TMED5: variants seen among roughly 807,000 people sequenced by gnomAD.
TMED5 encodes transmembrane emp24 domain-containing protein 5.
TMED5 carries 27 observed loss-of-function variants against 23.0 expected under a neutral mutation model. The observed-to-expected ratio is 1.17, with a 90% CI of 0.86 to 1.62. The LOEUF (loss-of-function observed/expected upper bound fraction) is 1.62, where lower values mean the gene tolerates loss of function less well. Ranked by LOEUF, TMED5 falls within the 40% of genes most tolerant of loss-of-function variation. The pLI is 0.00. For synonymous variants in TMED5, 97 were observed against 100.8 expected (o/e 0.96, Z 0.23); for missense variants, 248 against 273.7 (o/e 0.91, Z 0.66).
intron 1 of TMED5, among the ~76,000 whole-genome samples, chr1:93,176,471 GATTA>G (rs369454764): frequency 1.5e-3 from 230 of 151,900 alleles, no homozygotes; most frequent in African/African-American, 3.9e-3. Flanking sequence ...GTAATAATTT[GATTA>G]ATTAATACTT....
intron 1 of TMED5, among the ~76,000 whole-genome samples, chr1:93,170,300 TG>T (rs1648672006): frequency 6.6e-6 from 1 of 152,142 alleles, no homozygotes; most frequent in African/African-American, 2.4e-5. Context: ...GGGCTGCGCG[TG>T]ATGCTTGCGG....
intron 2 of TMED5, among the ~76,000 whole-genome samples, chr1:93,159,142 A>G (rs867139818): frequency 3.9e-5 from 6 of 152,168 alleles, no homozygotes; most frequent in Non-Finnish European, 7.4e-5. Context: ...GTTAACAAAG[A>G]CCAATAATTT....
intron 1 of TMED5, among the ~76,000 whole-genome samples, chr1:93,176,531 AT>A: frequency 6.6e-6 from 1 of 151,500 alleles, no homozygotes; most frequent in African/African-American, 2.4e-5. Flanking sequence ...ACACACAAAC[AT>A]ATATATATAT....
chr1:93,166,573 T>C (rs1476385007), intron 1 of TMED5, among the ~76,000 whole-genome samples: 3 of 152,148 alleles, frequency 2.0e-5, no homozygotes, highest in African/African-American at 7.2e-5. Flanking sequence ...TTTTGAGAAA[T>C]GTCTATTCAA....
intron 1 of TMED5, among the ~76,000 whole-genome samples, chr1:93,175,201 A>ATATATAT (rs71094238): frequency 5.0e-5 from 7 of 141,348 alleles, no homozygotes; most frequent in African/African-American, 1.4e-4. Flanking sequence ...ATATATATAT[A>ATATATAT]AATGGACCTC....
chr1:93,180,277 C>A lies in TMED5; in HGVS notation c.-35G>T. The A allele has an allele frequency of 6.3e-7, 1 of 1,582,730 alleles. No individual in the cohort carries two copies. Among genetic ancestry groups the A allele is most frequent in the South Asian group, 1.1e-5 (1 of 88,698 alleles). On this transcript the variant is annotated 5_prime_UTR_variant, in exon 1 of 4. Coordinates refer to ENST00000370282, the MANE Select transcript of TMED5 (RefSeq NM_016040.5). ...GGCGATCCCGGGCTGAAAGAGGCGTCAGGTACTGTTGTCTCCGCTCCGCGT... is the reference window on the plus strand; with the variant it reads ...GGCGATCCCGGGCTGAAAGAGGCGTAAGGTACTGTTGTCTCCGCTCCGCGT...
intron 2 of TMED5, among the ~76,000 whole-genome samples, chr1:93,157,411 A>G (rs1648111578): frequency 6.6e-6 from 1 of 152,214 alleles, no homozygotes; most frequent in African/African-American, 2.4e-5. Flanking sequence ...TACCCTAGTT[A>G]AAATTAGTTT....
intron 1 of TMED5, among the ~76,000 whole-genome samples, chr1:93,169,594 GA>G (rs71094237): frequency 2.1e-5 from 3 of 146,216 alleles, no homozygotes; most frequent in African/African-American, 7.6e-5. Flanking sequence ...AATCAACGCA[GA>G]AAAAAAAAAA....
chr1:93,175,406 A>G (rs1386938313), intron 1 of TMED5, among the ~76,000 whole-genome samples: 3 of 147,550 alleles, frequency 2.0e-5, no homozygotes, highest in African/African-American at 7.4e-5. Flanking sequence ...ATTTATATGT[A>G]TATGAATATA....
chr1:93,164,529 T>A (rs1173879905), intron 1 of TMED5, among the ~76,000 whole-genome samples: 1 of 152,110 alleles, frequency 6.6e-6, no homozygotes, highest in Non-Finnish European at 1.5e-5. Context: ...AAGTCATATG[T>A]GAAAAAAACA....
At chr1:93,169,882 T>TACACACACACAC (rs59467244) in intron 1 of TMED5, among the ~76,000 whole-genome samples, 10,799 of 130,370 alleles carry the variant, frequency 0.083, 553 homozygotes, top group South Asian at 0.16. Context: ...ACCCTGTCTG[T>TACACACACACAC]ACACACACAC....
At chr1:93,172,006 T>C (rs1571282564) in intron 1 of TMED5, among the ~76,000 whole-genome samples, 1 of 152,124 alleles carries the variant, frequency 6.6e-6, no homozygotes, top group East Asian at 1.9e-4. Flanking sequence ...AAATCCAATA[T>C]CAATCCATGA....
At chr1:93,175,562 T>C (rs1400276981) in intron 1 of TMED5, among the ~76,000 whole-genome samples, 1 of 151,714 alleles carries the variant, frequency 6.6e-6, no homozygotes, top group Non-Finnish European at 1.5e-5. Context: ...ACATGTAATA[T>C]TAGGCATGTA....
chr1:93,167,262 A>G (rs558842264), intron 1 of TMED5, among the ~76,000 whole-genome samples: 6 of 152,170 alleles, frequency 3.9e-5, no homozygotes, highest in Non-Finnish European at 8.8e-5. Context: ...TTGTGGTTCC[A>G]TATACATTTT....
intron 1 of TMED5, among the ~76,000 whole-genome samples, chr1:93,165,258 T>A (rs1450592063): frequency 6.6e-6 from 1 of 152,228 alleles, no homozygotes; most frequent in Admixed American, 6.5e-5. Flanking sequence ...TGTGGTTGAT[T>A]AGTTTTTTAT....
rs1015959613 is a variant in TMED5 at position 93,151,956 on chromosome 1, A to T, written c.*2714T>A. ...GCAGTTTGAGCAACACTGATTGTGCATTATTGTACTTCAGATGAAAAATCC... is the reference window on the plus strand; with the variant it reads ...GCAGTTTGAGCAACACTGATTGTGCTTTATTGTACTTCAGATGAAAAATCC... On this transcript the variant is annotated 3_prime_UTR_variant, in exon 4 of 4. Transcript: ENST00000370282. The T allele has an allele frequency of 6.6e-6, 1 of 152,548 alleles. No individual in the cohort carries two copies. The highest frequency in any genetic ancestry group is 2.4e-5 in the African/African-American group (1 of 41,466). 9.4% of individuals were successfully genotyped at this position (152,548 alleles called of 1,614,324 possible). A position where few individuals can be genotyped will look rare whatever the true frequency, so the allele number is the denominator to read the frequency against.
intron 1 of TMED5, among the ~76,000 whole-genome samples, chr1:93,176,597 G>C (rs1393763845): frequency 6.6e-6 from 1 of 152,122 alleles, no homozygotes; most frequent in Non-Finnish European, 1.5e-5. Context: ...ACAGTGGTGT[G>C]ATCACAGCTC....
chr1:93,161,689 C>T (rs1347357400), intron 1 of TMED5: 1 of 152,220 alleles, frequency 6.6e-6, no homozygotes, highest in Non-Finnish European at 1.5e-5. Context: ...ACAGATTGCA[C>T]ACCTATCCTC....
chr1:93,179,997 C>T, intron 1 of TMED5, 57 bp downstream of exon 1: 3 of 1,536,902 alleles, frequency 2.0e-6, no homozygotes, highest in Non-Finnish European at 2.7e-6. Context: ...GGGTGAGAGG[C>T]GACAACGCAG....
Sources: gnomAD v4.1 joint callset for allele counts (sites outside exome capture counted in the v4.1 genomes callset) on GRCh38, gnomAD v4.1.1 for gene constraint, MANE v1.5 for transcripts, NCBI Gene and HGNC (gene_info 2026-07-23, HGNC 2026-07-21) for gene names.